The following BTBD9 variants were observed in gnomAD, a reference collection of about 807,000 sequenced individuals.
BTBD9 encodes BTB/POZ domain-containing protein 9.
A neutral mutation model predicts 64.3 loss-of-function variants in BTBD9; 49 were observed. That is an observed-to-expected ratio of 0.76 (90% CI 0.61 to 0.97). BTBD9 has a LOEUF of 0.97. BTBD9 is among the 50% of genes least tolerant of loss of function. The probability of loss-of-function intolerance (pLI) is 0.00; values close to 1 mark genes in which losing one functional copy is unlikely to be tolerated. For synonymous variants in BTBD9, 260 were observed against 274.7 expected (o/e 0.95, Z 0.53); for missense variants, 598 against 762.1 (o/e 0.78, Z 2.53).
rs1266462246 is a variant in BTBD9 at position 38,592,832 on chromosome 6, A to C, written c.558T>G (p.Leu186=). 1.9e-6 allele frequency: 3 copies of C among 1,613,898 alleles called. No individual in the cohort carries two copies. The change falls in exon 4 of 11, where the codon CTT becomes CTG. Residue 186 remains leucine (L), a synonymous_variant. Transcript: ENST00000481247. ...ATGAGTCTCTTAACACGATGTTTAA[A>C]AGTGCTGTCTGAAAAGGATAAAAAG... ...EGFLSLSKTA[L]LNIVLRDSFA...
At chr6:38,230,772 C>T (rs1203876372) in intron 9 of BTBD9, among the ~76,000 whole-genome samples, 1 of 152,142 alleles carries the variant, frequency 6.6e-6, no homozygotes, top group Admixed American at 6.5e-5. Flanking sequence ...ATCCTCTTTT[C>T]CCAAGGCTTT....
At chr6:38,311,266 CTCTGGTAAGAATCAT>C (rs1762821839) in intron 7 of BTBD9, among the ~76,000 whole-genome samples, 1 of 151,296 alleles carries the variant, frequency 6.6e-6, no homozygotes, top group African/African-American at 2.4e-5. Context: ...CTTTCACAGT[CTCTGGTAAGAATCAT>C]TCTACTCTCT....
intron 6 of BTBD9, among the ~76,000 whole-genome samples, chr6:38,427,071 G>A (rs558903706): frequency 2.6e-5 from 4 of 151,570 alleles, no homozygotes; most frequent in Non-Finnish European, 4.4e-5. Flanking sequence ...ACAGCACCCT[G>A]ATACCCATGT....
chr6:38,428,886 T>C (rs1402717656), intron 6 of BTBD9, among the ~76,000 whole-genome samples: 1 of 151,378 alleles, frequency 6.6e-6, no homozygotes. Flanking sequence ...ATTTTTTGTA[T>C]GTTTAGTAGA....
intron 7 of BTBD9, 77 bp from the exon 8 acceptor site, chr6:38,288,538 T>C: frequency 1.8e-6 from 2 of 1,136,418 alleles, no homozygotes; most frequent in Admixed American, 4.3e-5. Flanking sequence ...CAGAACAAAA[T>C]TAATTAATTG....
intron 6 of BTBD9, among the ~76,000 whole-genome samples, chr6:38,438,086 A>C (rs572683862): frequency 6.6e-6 from 1 of 152,008 alleles, no homozygotes; most frequent in East Asian, 1.9e-4. Context: ...CATCAACAGC[A>C]CTGACTGAAG....
intron 6 of BTBD9, among the ~76,000 whole-genome samples, chr6:38,365,542 G>A (rs1765151310): frequency 6.6e-6 from 1 of 152,054 alleles, no homozygotes; most frequent in African/African-American, 2.4e-5. Flanking sequence ...AGGAGTTCAA[G>A]GACCAGCTTA....
At chr6:38,449,738 C>A (rs1769433068) in intron 6 of BTBD9, among the ~76,000 whole-genome samples, 2 of 151,398 alleles carry the variant, frequency 1.3e-5, no homozygotes. Flanking sequence ...GACCTCATCT[C>A]TATTTTTTTA....
In BTBD9 at chr6:38,283,571, C is replaced by T. The variant is rs185614416; in HGVS notation, c.1454+4701G>A. Among the ~76,000 whole-genome samples the T allele has an allele frequency of 5.7e-4, 87 of 152,264 alleles. 2 individuals are homozygous for T. The highest frequency in any genetic ancestry group is 3.5e-3 in the Admixed American group (54 of 15,294). On this transcript the variant is annotated intron_variant, in intron 8 of 10. Coordinates refer to ENST00000481247, the MANE Select transcript of BTBD9 (RefSeq NM_001099272.2). Reference sequence around the variant, plus strand: ...GGCTGAAGTGGGAGGATTGCTTGAGCCCAAGAGGTCAAGGCTGCAGTAAGC... The same window carrying T: ...GGCTGAAGTGGGAGGATTGCTTGAGTCCAAGAGGTCAAGGCTGCAGTAAGC...
rs552834551 is a variant in BTBD9, at chr6:38,401,095, C to A, written c.1155-56002G>T. On this transcript the variant is annotated intron_variant, in intron 6 of 10. Coordinates refer to ENST00000481247, the MANE Select transcript of BTBD9 (RefSeq NM_001099272.2). ...TATTTGATATGGTCTGGCTCTGTGT[C>A]CTCACCCAAATCTCATCTCGAATTG... Among the ~76,000 whole-genome samples the A allele has an allele frequency of 5.9e-5, 9 of 152,298 alleles. No individual in the cohort carries two copies. In the South Asian group the frequency reaches 6.2e-4, roughly 11 times the overall value.
intron 6 of BTBD9, among the ~76,000 whole-genome samples, chr6:38,375,903 G>A (rs1316929302): frequency 9.0e-6 from 1 of 110,586 alleles, no homozygotes. Context: ...AAGAAAGAAA[G>A]AAAGAAAGAA....
intron 6 of BTBD9, among the ~76,000 whole-genome samples, chr6:38,557,809 G>A (rs1775096736): frequency 6.6e-6 from 1 of 152,228 alleles, no homozygotes; most frequent in Non-Finnish European, 1.5e-5. Context: ...TTAGATATGA[G>A]AGTAGCTTCT....
chr6:38,421,132 C>T (rs1767887194), intron 6 of BTBD9, among the ~76,000 whole-genome samples: 1 of 151,812 alleles, frequency 6.6e-6, no homozygotes, highest in African/African-American at 2.4e-5. Context: ...CGAGGTGGAT[C>T]ATTTGAGGTC....
At chr6:38,549,908 G>A (rs1052083676) in intron 6 of BTBD9, among the ~76,000 whole-genome samples, 3 of 151,922 alleles carry the variant, frequency 2.0e-5, no homozygotes, top group African/African-American at 2.4e-5. Context: ...CTTGGCACCC[G>A]ACACAGTTGA....
chr6:38,544,924 T>A (rs1774458560), intron 6 of BTBD9, among the ~76,000 whole-genome samples: 2 of 15,450 alleles, frequency 1.3e-4, no homozygotes, highest in South Asian at 2.5e-3. Flanking sequence ...CAAAACTACA[T>A]CTCAAAAAAA....
chr6:38,521,282 T>G (rs1773262561), intron 6 of BTBD9, among the ~76,000 whole-genome samples: 1 of 152,246 alleles, frequency 6.6e-6, no homozygotes, highest in Admixed American at 6.5e-5. Flanking sequence ...AGTACCTTAC[T>G]ATTACAAGTT....
intron 8 of BTBD9, among the ~76,000 whole-genome samples, chr6:38,259,514 T>C (rs923308580): frequency 1.3e-5 from 2 of 152,176 alleles, no homozygotes; most frequent in Non-Finnish European, 2.9e-5. Flanking sequence ...GCAATCCTCC[T>C]GCCTTAGCCT....
chr6:38,625,927 C>G (rs963559769), intron 1 of BTBD9, among the ~76,000 whole-genome samples: 3 of 152,204 alleles, frequency 2.0e-5, no homozygotes, highest in Non-Finnish European at 2.9e-5. Context: ...CATTTTCTTT[C>G]TGACATGTAT....
intron 6 of BTBD9, among the ~76,000 whole-genome samples, chr6:38,384,047 T>C (rs1338260249): frequency 6.6e-6 from 1 of 152,154 alleles, no homozygotes; most frequent in Non-Finnish European, 1.5e-5. Flanking sequence ...TAGGGCTCGG[T>C]GGGAAAACCT....
Sources: allele counts gnomAD v4.1 joint callset (sites outside exome capture counted in the v4.1 genomes callset), GRCh38; gene constraint gnomAD v4.1.1; transcripts MANE v1.5; gene names NCBI Gene and HGNC (gene_info 2026-07-23, HGNC 2026-07-21).